Variants in PCDH9 observed in about 807,000 individuals in gnomAD.
PCDH9 encodes protocadherin 9.
PCDH9 carries 24 observed loss-of-function variants against 70.6 expected under a neutral mutation model. The ratio of observed to expected loss-of-function variants is 0.34; its 90% confidence interval spans 0.25 to 0.48. The LOEUF is 0.48. Ranked by LOEUF, PCDH9 falls within the 20% of genes least tolerant of loss-of-function variation. The probability of loss-of-function intolerance (pLI) is 0.99; values close to 1 mark genes in which losing one functional copy is unlikely to be tolerated. For synonymous variants in PCDH9, 562 were observed against 558.5 expected, an observed-to-expected ratio of 1.01 and a Z score of -0.09; for missense variants, 1,281 against 1,503.6, an observed-to-expected ratio of 0.85 and a Z score of 2.45.
chr13:66,851,363 A>C (rs957760215), intron 3 of PCDH9, among the ~76,000 whole-genome samples: 1 of 152,226 alleles, frequency 6.6e-6, no homozygotes, highest in Non-Finnish European at 1.5e-5. Context: ...CAGTAGGTTT[A>C]TACAATGATG....
chr13:66,849,484 A>T (rs2081272674), intron 3 of PCDH9, among the ~76,000 whole-genome samples: 1 of 90,598 alleles, frequency 1.1e-5, no homozygotes. Context: ...AATCATAGGT[A>T]GGTATATATA....
chr13:67,185,817 C>T (rs2088740562), intron 2 of PCDH9, among the ~76,000 whole-genome samples: 1 of 152,206 alleles, frequency 6.6e-6, no homozygotes, highest in Non-Finnish European at 1.5e-5. Context: ...ACTGCAATCT[C>T]CGCCTCCCGG....
chr13:66,760,650 C>A (rs533535171), intron 3 of PCDH9, among the ~76,000 whole-genome samples: 8 of 152,228 alleles, frequency 5.3e-5, no homozygotes, highest in African/African-American at 1.9e-4. Context: ...AGGATATCAG[C>A]GATTTTCAGG....
chr13:66,498,213 G>A (rs1959148248), intron 4 of PCDH9, among the ~76,000 whole-genome samples: 2 of 37,568 alleles, frequency 5.3e-5, no homozygotes, highest in South Asian at 1.9e-3. Flanking sequence ...GCGCGATCTC[G>A]GCTCACTTGA....
intron 2 of PCDH9, among the ~76,000 whole-genome samples, chr13:67,037,432 C>G (rs1368446699): frequency 6.6e-6 from 1 of 152,134 alleles, no homozygotes; most frequent in Non-Finnish European, 1.5e-5. Flanking sequence ...CATAACTTTT[C>G]TACTCCAAAA....
Position 66,481,269 on chromosome 13 carries a change from G to A in PCDH9, c.3340+149941C>T, listed in dbSNP as rs564143355. Among the ~76,000 whole-genome samples the A allele has an allele frequency of 1.2e-4, 12 of 104,218 alleles. No homozygotes were observed. In the South Asian group the frequency reaches 1.6e-3, roughly 14 times the overall value. 68.4% of individuals were successfully genotyped at this position (104,218 alleles called of 152,430 possible). ...GTTTACCTATGTAACAAACTTGCAC[G>A]TTCTGTACATGTACCCCAGAACTTA... On this transcript the variant is annotated intron_variant, in intron 4 of 4. Coordinates refer to ENST00000377865, the MANE Select transcript of PCDH9 (RefSeq NM_203487.3).
chr13:66,543,562 G>A (rs1304487711), intron 4 of PCDH9, among the ~76,000 whole-genome samples: 17 of 139,966 alleles, frequency 1.2e-4, no homozygotes, highest in Non-Finnish European at 1.7e-4. Context: ...GTGAGACTCC[G>A]TTTCAAAAAA....
intron 2 of PCDH9, among the ~76,000 whole-genome samples, chr13:67,154,595 A>AAATATATATATATATATAT (rs1555313195): frequency 2.2e-5 from 2 of 88,990 alleles, no homozygotes; most frequent in African/African-American, 9.0e-5. Context: ...AAAAAAAAAA[A>AAATATATATATATATATAT]ATATATATAT....
At chr13:66,469,488 T>G (rs1958576378) in intron 4 of PCDH9, among the ~76,000 whole-genome samples, 1 of 140,592 alleles carries the variant, frequency 7.1e-6, no homozygotes, top group Non-Finnish European at 1.5e-5. Flanking sequence ...AAGGAAGGAA[T>G]AGAAGGAGGG....
At chr13:66,881,036 T>C (rs2081913557) in intron 3 of PCDH9, among the ~76,000 whole-genome samples, 1 of 152,216 alleles carries the variant, frequency 6.6e-6, no homozygotes, top group African/African-American at 2.4e-5. Context: ...TTCAATGAGA[T>C]AATTCAATAA....
chr13:66,501,540 A>G (rs979028528), intron 4 of PCDH9, among the ~76,000 whole-genome samples: 1 of 152,134 alleles, frequency 6.6e-6, no homozygotes, highest in African/African-American at 2.4e-5. Context: ...ACTATAAATG[A>G]TCTCTTCCTC....
rs571503666 is a variant in PCDH9 at position 66,803,932 on chromosome 13, G to A, written c.3138+99572C>T. ...GTTAAGTGATCTGTGTGATTTTCTTGGTGTAATAACCAGTTGTCTCTGGCT... is the reference window on the plus strand; with the variant it reads ...GTTAAGTGATCTGTGTGATTTTCTTAGTGTAATAACCAGTTGTCTCTGGCT... On this transcript the variant is annotated intron_variant, in intron 3 of 4. Coordinates refer to ENST00000377865, the MANE Select transcript of PCDH9 (RefSeq NM_203487.3). Among the ~76,000 whole-genome samples the A allele has an allele frequency of 5.9e-5, 9 of 152,194 alleles. No homozygotes were observed. The East Asian group carries it at 1.2e-3, about 20-fold the overall frequency.
chr13:67,195,267 T>TC (rs2089030424), intron 2 of PCDH9, among the ~76,000 whole-genome samples: 1 of 151,744 alleles, frequency 6.6e-6, no homozygotes, highest in Admixed American at 6.6e-5. Flanking sequence ...TGCCTCAGCC[T>TC]CCGAGCAGCT....
At chr13:66,877,248 T>C (rs1594193658) in intron 3 of PCDH9, among the ~76,000 whole-genome samples, 1 of 149,406 alleles carries the variant, frequency 6.7e-6, no homozygotes, top group East Asian at 1.9e-4. Context: ...TAGTCAAAAC[T>C]AAAAGTAAAT....
chr13:67,000,448 T>A (rs1033313951), intron 2 of PCDH9, among the ~76,000 whole-genome samples: 8 of 151,634 alleles, frequency 5.3e-5, no homozygotes, highest in African/African-American at 1.9e-4. Context: ...AACCTGCACA[T>A]TGTGCACATG....
At chr13:66,432,687 G>T (rs1170232491) in intron 4 of PCDH9, among the ~76,000 whole-genome samples, 1 of 151,822 alleles carries the variant, frequency 6.6e-6, no homozygotes, top group Non-Finnish European at 1.5e-5. Flanking sequence ...GCAATCTCTG[G>T]TCCACTACCT....
intron 2 of PCDH9, chr13:66,977,628 T>TAAATGGAACA (rs1399177943): frequency 6.6e-6 from 1 of 152,178 alleles, no homozygotes; most frequent in Non-Finnish European, 1.5e-5. Context: ...GTACTTATTC[T>TAAATGGAACA]AAATGGAACA....
intron 4 of PCDH9, among the ~76,000 whole-genome samples, chr13:66,540,605 T>C (rs1287810039): frequency 6.6e-6 from 1 of 152,186 alleles, no homozygotes; most frequent in Admixed American, 6.6e-5. Flanking sequence ...AGAAAATGCC[T>C]TGAGAACTTT....
At chr13:66,352,379 C>T (rs1259858910) in intron 4 of PCDH9, among the ~76,000 whole-genome samples, 1 of 152,070 alleles carries the variant, frequency 6.6e-6, no homozygotes, top group Non-Finnish European at 1.5e-5. Context: ...ACTGTCATAA[C>T]AAAATGCCAC....
Sources: allele counts gnomAD v4.1 joint callset (sites outside exome capture counted in the v4.1 genomes callset), GRCh38; gene constraint gnomAD v4.1.1; transcripts MANE v1.5; gene names NCBI Gene and HGNC (gene_info 2026-07-23, HGNC 2026-07-21).